The following ANKRD44 variants were observed in gnomAD, a reference collection of about 807,000 sequenced individuals.
ANKRD44 encodes serine/threonine-protein phosphatase 6 regulatory ankyrin repeat subunit B.
In ANKRD44, 35 loss-of-function variants were observed where a neutral mutation model predicts 116.0. That is an observed-to-expected ratio of 0.30 (90% CI 0.23 to 0.40). The LOEUF (loss-of-function observed/expected upper bound fraction) is 0.40. ANKRD44 is among the 10% of genes least tolerant of loss of function. The pLI, the probability that ANKRD44 is intolerant of heterozygous loss-of-function variation, is 1.00. For missense variants in ANKRD44, 1,014 were observed against 1,242.6 expected, an observed-to-expected ratio of 0.82 and a Z score of 2.77; for synonymous variants, 435 against 461.8, an observed-to-expected ratio of 0.94 and a Z score of 0.74.
intron 1 of ANKRD44, among the ~76,000 whole-genome samples, chr2:197,234,591 T>C (rs2081940034): frequency 6.6e-6 from 1 of 152,246 alleles, no homozygotes; most frequent in African/African-American, 2.4e-5. Flanking sequence ...GATTTTTCCA[T>C]GTTGTACATG....
chr2:197,141,800 A>G (rs2079374441), intron 3 of ANKRD44, among the ~76,000 whole-genome samples: 1 of 152,240 alleles, frequency 6.6e-6, no homozygotes, highest in Non-Finnish European at 1.5e-5. Context: ...GCATTTCATC[A>G]GTGTCATCTC....
intron 21 of ANKRD44, among the ~76,000 whole-genome samples, chr2:196,973,294 T>C (rs2075728551): frequency 6.6e-6 from 1 of 152,102 alleles, no homozygotes; most frequent in Non-Finnish European, 1.5e-5. Context: ...GTTTTCTGTG[T>C]TTTTCCTATC....
rs2082191844 is a variant in ANKRD44, at chr2:197,246,355, T to TTTTTTTC, written c.28-59250_28-59249insGAAAAAA. On this transcript the variant is annotated intron_variant, in intron 1 of 27. Coordinates refer to ENST00000282272, the MANE Select transcript of ANKRD44 (RefSeq NM_001195144.2). ...GTATGCACCACTACATCTGGCTTTT[T>TTTTTTTC]TTTTTTTTTTTTTTTTTTTTAGAGA... is the stretch of plus-strand genomic sequence containing the variant. Among the ~76,000 whole-genome samples the TTTTTTTC allele has an allele frequency of 2.0e-5, 2 of 98,002 alleles. 1 individual carries two copies. The highest frequency in any genetic ancestry group is 7.6e-5 in the African/African-American group (2 of 26,336). 64.3% of individuals were successfully genotyped at this position (98,002 alleles called of 152,430 possible). A position where few individuals can be genotyped will look rare whatever the true frequency, so the allele number is the denominator to read the frequency against.
At chr2:196,976,601 T>C (rs574313503) in intron 21 of ANKRD44, among the ~76,000 whole-genome samples, 1 of 152,328 alleles carries the variant, frequency 6.6e-6, no homozygotes, top group South Asian at 2.1e-4. Context: ...GTGCAGTGGC[T>C]CATGCCTGTA....
chr2:197,246,349 G>GTTTTTTTT (rs1559181687), intron 1 of ANKRD44, among the ~76,000 whole-genome samples: 1 of 8,942 alleles, frequency 1.1e-4, no homozygotes, highest in African/African-American at 4.5e-4. Context: ...ACTACATCTG[G>GTTTTTTTT]CTTTTTTTTT....
intron 1 of ANKRD44, among the ~76,000 whole-genome samples, chr2:197,293,322 C>T (rs371451001): frequency 1.3e-5 from 2 of 152,232 alleles, no homozygotes; most frequent in Admixed American, 6.5e-5. Flanking sequence ...AGTTGGGGTA[C>T]AAACATTTTC....
chr2:197,289,244 T>G (rs1318682718), intron 1 of ANKRD44, among the ~76,000 whole-genome samples: 2 of 152,186 alleles, frequency 1.3e-5, no homozygotes, highest in Non-Finnish European at 2.9e-5. Context: ...AATATTAGTA[T>G]AGCTAAAATT....
intron 2 of ANKRD44, among the ~76,000 whole-genome samples, chr2:197,178,712 G>T (rs955416420): frequency 2.0e-5 from 3 of 152,110 alleles, no homozygotes; most frequent in Non-Finnish European, 4.4e-5. Context: ...ATTATGCTTA[G>T]AAAGTCCTTC....
intron 16 of ANKRD44, among the ~76,000 whole-genome samples, chr2:197,072,280 C>G (rs142722984): frequency 5.7e-4 from 87 of 152,296 alleles, no homozygotes; most frequent in African/African-American, 1.9e-3. Flanking sequence ...CCTTGAACCT[C>G]TTAGTGCTCC....
intron 16 of ANKRD44, among the ~76,000 whole-genome samples, chr2:197,058,534 T>G (rs2077247506): frequency 6.6e-6 from 1 of 152,156 alleles, no homozygotes; most frequent in East Asian, 1.9e-4. Context: ...AACTTATAGT[T>G]GATGTCAGCT....
At chr2:197,161,440 T>C (rs1239293454) in intron 2 of ANKRD44, among the ~76,000 whole-genome samples, 4 of 152,158 alleles carry the variant, frequency 2.6e-5, no homozygotes, top group Non-Finnish European at 5.9e-5. Flanking sequence ...GACTAACTAG[T>C]ATTTTTTCAC....
At position 196,988,656 on chromosome 2, in the gene ANKRD44, C is replaced by A; in HGVS notation, c.*935G>T. On this transcript the variant is annotated 3_prime_UTR_variant, in exon 28 of 28. Coordinates refer to ENST00000282272, the MANE Select transcript of ANKRD44 (RefSeq NM_001195144.2). Reference sequence around the variant, plus strand: ...TTATTTTTGAAATATCTCACATACACTATAAAATAGCAATTTCCAGGGTGG... The same window carrying A: ...TTATTTTTGAAATATCTCACATACAATATAAAATAGCAATTTCCAGGGTGG... The A allele has an allele frequency of 1.9e-5, 19 of 985,244 alleles. No homozygotes were observed. Among genetic ancestry groups the A allele is most frequent in the Non-Finnish European group, 2.2e-5 (18 of 829,792 alleles). 61.0% of individuals were successfully genotyped at this position (985,244 alleles called of 1,614,324 possible). A position where few individuals can be genotyped will look rare whatever the true frequency, so the allele number is the denominator to read the frequency against.
At chr2:197,293,594 C>T (rs564006876) in intron 1 of ANKRD44, among the ~76,000 whole-genome samples, 152 of 152,190 alleles carry the variant, frequency 1.0e-3, no homozygotes, top group African/African-American at 3.5e-3. Context: ...AAAAAGAAAA[C>T]AAAGCATATT....
At chr2:197,273,976 A>ATAT (rs57767335) in intron 1 of ANKRD44, among the ~76,000 whole-genome samples, 1 of 53,472 alleles carries the variant, frequency 1.9e-5, no homozygotes, top group African/African-American at 6.6e-5. Context: ...AAAAAAAAAA[A>ATAT]AAAAATATAT....
intron 11 of ANKRD44, 84 bp from the exon 12 acceptor site, chr2:197,088,858 A>G: frequency 6.9e-7 from 1 of 1,443,534 alleles, no homozygotes; most frequent in South Asian, 1.4e-5. Context: ...CATTGCAGAG[A>G]CAGAAAAATC....
intron 1 of ANKRD44, among the ~76,000 whole-genome samples, chr2:197,223,491 T>G (rs1348836096): frequency 6.6e-6 from 1 of 152,254 alleles, no homozygotes; most frequent in Non-Finnish European, 1.5e-5. Flanking sequence ...TTCATTCATT[T>G]TCACCCTCAT....
At chr2:196,974,794 G>A (rs544737079) in intron 21 of ANKRD44, among the ~76,000 whole-genome samples, 4 of 152,038 alleles carry the variant, frequency 2.6e-5, no homozygotes, top group Non-Finnish European at 5.9e-5. Flanking sequence ...GGAGGCTGAG[G>A]CAGGAGAATC....
intron 1 of ANKRD44, among the ~76,000 whole-genome samples, chr2:197,292,941 G>A (rs765294445): frequency 6.6e-6 from 1 of 152,046 alleles, no homozygotes; most frequent in Admixed American, 6.5e-5. Flanking sequence ...CTGTTTCCTT[G>A]ACTGGAGAAG....
In ANKRD44 at chr2:197,266,733, G is replaced by A. The variant is rs573264306; in HGVS notation, c.27+43845C>T. ...AACCGCACTTCCTACTACCTGTTGC[G>A]ATGAAAAATGAAATACTCTAAGTAA... On this transcript the variant is annotated intron_variant, in intron 1 of 27. Transcript: ENST00000282272. Among the ~76,000 whole-genome samples, 8 of 151,756 alleles carry A rather than the reference G, an allele frequency of 5.3e-5. No individual in the cohort carries two copies. In the East Asian group the frequency reaches 5.8e-4, roughly 11 times the overall value.
Sources: gnomAD v4.1 joint callset for allele counts (sites outside exome capture counted in the v4.1 genomes callset) on GRCh38, gnomAD v4.1.1 for gene constraint, MANE v1.5 for transcripts, NCBI Gene and HGNC (gene_info 2026-07-23, HGNC 2026-07-21) for gene names.